ZFAT: variants seen among roughly 807,000 people sequenced by gnomAD.
The protein encoded by ZFAT is zinc finger protein ZFAT.
In ZFAT, 64 loss-of-function variants were observed where a neutral mutation model predicts 117.7. That is an observed-to-expected ratio of 0.54 (90% CI 0.44 to 0.67). The LOEUF is 0.67. Among genes scored for constraint, ZFAT ranks in the 30% least tolerant of loss-of-function variants. The probability of loss-of-function intolerance (pLI) is 0.00; values close to 1 mark genes in which losing one functional copy is unlikely to be tolerated. For missense variants in ZFAT, 1,433 were observed against 1,584.5 expected, an observed-to-expected ratio of 0.90 and a Z score of 1.62; for synonymous variants, 679 against 615.0, an observed-to-expected ratio of 1.10 and a Z score of -1.54.
At chr8:134,682,024 C>G (rs1433880492) in intron 1 of ZFAT, among the ~76,000 whole-genome samples, 2 of 152,154 alleles carry the variant, frequency 1.3e-5, no homozygotes, top group African/African-American at 2.4e-5. Context: ...TAAACTATGT[C>G]ATCAACTTCA....
At chr8:134,545,969 C>A (rs1789627340) in intron 11 of ZFAT, among the ~76,000 whole-genome samples, 1 of 152,180 alleles carries the variant, frequency 6.6e-6, no homozygotes, top group African/African-American at 2.4e-5. Flanking sequence ...CAGAGGCCCC[C>A]TTCACAAGGT....
chr8:134,828,464 C>T, the ZFAT span, among the ~76,000 whole-genome samples: 1 of 152,124 alleles, frequency 6.6e-6, no homozygotes, highest in East Asian at 1.9e-4. Context: ...TAGCTCTTAT[C>T]CTTCAAACCC....
intron 1 of ZFAT, among the ~76,000 whole-genome samples, chr8:134,710,588 G>A (rs960847042): frequency 6.6e-6 from 1 of 152,178 alleles, no homozygotes; most frequent in Non-Finnish European, 1.5e-5. Flanking sequence ...AAATGCTTGG[G>A]ACCAGAAGTT....
At chr8:134,485,960 G>A (rs1817628734) in intron 15 of ZFAT, among the ~76,000 whole-genome samples, 1 of 152,256 alleles carries the variant, frequency 6.6e-6, no homozygotes, top group South Asian at 2.1e-4. Flanking sequence ...CCACATGCCT[G>A]TGCAGAGGGC....
At chr8:134,811,916 G>A in the ZFAT span, among the ~76,000 whole-genome samples, 2 of 152,160 alleles carry the variant, frequency 1.3e-5, no homozygotes, top group Non-Finnish European at 2.9e-5. Context: ...GGCTGAGGCG[G>A]GTGGATCACC....
chr8:134,514,245 C>T (rs903767958), intron 13 of ZFAT, among the ~76,000 whole-genome samples: 9 of 152,192 alleles, frequency 5.9e-5, no homozygotes, highest in African/African-American at 7.2e-5. Context: ...GTTGGGTTCA[C>T]GGCTCTGCAT....
At chr8:134,578,962 T>C (rs1825520626) in intron 10 of ZFAT, among the ~76,000 whole-genome samples, 2 of 151,988 alleles carry the variant, frequency 1.3e-5, no homozygotes, top group African/African-American at 2.4e-5. Flanking sequence ...TGTACCGAAG[T>C]CTGGCTTTTA....
chr8:134,586,682 T>C (rs540470412), intron 9 of ZFAT, among the ~76,000 whole-genome samples: 1 of 152,330 alleles, frequency 6.6e-6, no homozygotes, highest in South Asian at 2.1e-4. Flanking sequence ...TGCCTTCAAC[T>C]TCATAACAAA....
the ZFAT span, among the ~76,000 whole-genome samples, chr8:134,818,563 C>T: frequency 2.6e-5 from 4 of 152,308 alleles, no homozygotes; most frequent in African/African-American, 9.6e-5. Flanking sequence ...GAACATATAG[C>T]TACCATATGA....
intron 15 of ZFAT, among the ~76,000 whole-genome samples, chr8:134,482,862 G>C (rs1170439771): frequency 6.6e-6 from 1 of 152,224 alleles, no homozygotes. Flanking sequence ...GTGTTACTGA[G>C]CGTCCAAGAC....
At position 134,701,803 on chromosome 8, in the gene ZFAT, C is replaced by A. The variant is rs182259526; in HGVS notation, c.19+11042G>T. ...ATATACCACAATTTGTTTAGCTATT[C>A]ACCAGCTAATGAGCATTTGGGCTGG... On this transcript the variant is annotated intron_variant, in intron 1 of 15. Coordinates refer to ENST00000377838, the MANE Select transcript of ZFAT (RefSeq NM_020863.4). Among the ~76,000 whole-genome samples, 505 of 152,270 alleles carry A rather than the reference C, an allele frequency of 3.3e-3. 4 individuals are homozygous for A. The highest frequency in any genetic ancestry group is 0.011 in the African/African-American group (462 of 41,544).
chr8:134,789,287 C>T, the ZFAT span, among the ~76,000 whole-genome samples: 1 of 152,174 alleles, frequency 6.6e-6, no homozygotes, highest in Non-Finnish European at 1.5e-5. Flanking sequence ...ACAAACTTCT[C>T]CTGTCTCGTT....
chr8:134,667,633 T>C (rs368211666), intron 1 of ZFAT, among the ~76,000 whole-genome samples: 2 of 149,148 alleles, frequency 1.3e-5, no homozygotes, highest in African/African-American at 2.5e-5. Flanking sequence ...GGGGGGCAGC[T>C]CCAAGATAGC....
At chr8:134,503,447 C>T (rs1819141401) in intron 15 of ZFAT, among the ~76,000 whole-genome samples, 1 of 152,212 alleles carries the variant, frequency 6.6e-6, no homozygotes, top group African/African-American at 2.4e-5. Context: ...AAAACAGACA[C>T]TCATACCCTG....
At chr8:134,525,022 C>T (rs1244941320) in intron 12 of ZFAT, among the ~76,000 whole-genome samples, 2 of 152,336 alleles carry the variant, frequency 1.3e-5, no homozygotes, top group Admixed American at 6.5e-5. Flanking sequence ...TGAGGTCACA[C>T]TGGCAAAGTT....
the ZFAT span, among the ~76,000 whole-genome samples, chr8:134,730,374 C>G: frequency 6.6e-6 from 1 of 152,204 alleles, no homozygotes; most frequent in Non-Finnish European, 1.5e-5. Flanking sequence ...TACAGCCTCC[C>G]TTGGATGCTA....
At chr8:134,764,095 A>G in the ZFAT span, among the ~76,000 whole-genome samples, 1 of 151,956 alleles carries the variant, frequency 6.6e-6, no homozygotes, top group Admixed American at 6.6e-5. Context: ...CACACTTACA[A>G]GATAATCATT....
intron 2 of ZFAT, among the ~76,000 whole-genome samples, chr8:134,646,140 C>T (rs1452826020): frequency 1.3e-5 from 2 of 151,954 alleles, no homozygotes; most frequent in African/African-American, 2.4e-5. Flanking sequence ...AACTGGAAGG[C>T]GGAGGTTGCA....
chr8:134,536,087 G>A (rs1173662652), intron 11 of ZFAT, among the ~76,000 whole-genome samples: 1 of 152,118 alleles, frequency 6.6e-6, no homozygotes. Context: ...TCTTCCCCAT[G>A]CCCATCCATT....
Sources: allele counts gnomAD v4.1 joint callset (sites outside exome capture counted in the v4.1 genomes callset), GRCh38; gene constraint gnomAD v4.1.1; transcripts MANE v1.5; gene names NCBI Gene and HGNC (gene_info 2026-07-23, HGNC 2026-07-21).